The following HAPSTR1 variants were observed in gnomAD, a reference collection of about 807,000 sequenced individuals.
HAPSTR1 encodes HUWE1-associated protein modifying stress responses 1.
the HAPSTR1 span, chr16:9,105,035 G>A: frequency 6.6e-6 from 1 of 152,138 alleles, no homozygotes. Context: ...TAACGTAGTA[G>A]TAGTGTACAT....
At chr16:9,091,908 C>G in the HAPSTR1 span, 1 of 688,386 alleles carries the variant, frequency 1.5e-6, no homozygotes, top group Non-Finnish European at 2.1e-6. Flanking sequence ...TGCAGGAGGC[C>G]TGGGCCGCTG....
chr16:9,108,479 C>G, the HAPSTR1 span: 1 of 152,156 alleles, frequency 6.6e-6, no homozygotes, highest in East Asian at 1.9e-4. Flanking sequence ...AGCCATGATG[C>G]CTGGCCTCAA....
the HAPSTR1 span, among the ~76,000 whole-genome samples, chr16:9,093,838 G>A: frequency 6.6e-6 from 1 of 151,524 alleles, no homozygotes; most frequent in African/African-American, 2.4e-5. Flanking sequence ...GAAATTTGGG[G>A]TTGATTTTTT....
chr16:9,094,487 AT>A, the HAPSTR1 span, among the ~76,000 whole-genome samples: 3,736 of 147,136 alleles, frequency 0.025, 140 homozygotes, highest in African/African-American at 0.087. Context: ...ATATACTTTG[AT>A]TTTTTTTTTT....
chr16:9,098,659 C>T, the HAPSTR1 span, among the ~76,000 whole-genome samples: 165 of 152,286 alleles, frequency 1.1e-3, 1 homozygote, highest in Middle Eastern at 6.8e-3. Flanking sequence ...TGCCTCTACC[C>T]TTCCTCCCAA....
chr16:9,116,711 C>T, the HAPSTR1 span: 9 of 1,614,036 alleles, frequency 5.6e-6, no homozygotes, highest in Non-Finnish European at 7.6e-6. Flanking sequence ...GTTCGAGTAC[C>T]CCAGGCTCTC....
At chr16:9,118,576 A>C in the HAPSTR1 span, 1 of 152,632 alleles carries the variant, frequency 6.6e-6, no homozygotes, top group African/African-American at 2.4e-5. Context: ...AGAGATTTCT[A>C]AACTTTTGCG....
the HAPSTR1 span, chr16:9,104,977 T>C: frequency 2.6e-5 from 4 of 152,242 alleles, no homozygotes; most frequent in African/African-American, 9.6e-5. Flanking sequence ...TTTACTGTTA[T>C]ATTTTAGAAG....
At chr16:9,092,896 T>G in the HAPSTR1 span, 1 of 1,531,740 alleles carries the variant, frequency 6.5e-7, no homozygotes, top group Non-Finnish European at 8.8e-7. Flanking sequence ...TTTTTGGTTT[T>G]TTTTTTTTTT....
At chr16:9,095,006 A>C in the HAPSTR1 span, among the ~76,000 whole-genome samples, 1 of 152,250 alleles carries the variant, frequency 6.6e-6, no homozygotes, top group Non-Finnish European at 1.5e-5. Context: ...AATGTTTACA[A>C]TTTGTTTGTT....
the HAPSTR1 span, among the ~76,000 whole-genome samples, chr16:9,096,115 G>T: frequency 6.6e-6 from 1 of 152,146 alleles, no homozygotes; most frequent in Admixed American, 6.5e-5. Flanking sequence ...TGGTCCTGGA[G>T]ACAGTGAAGC....
chr16:9,099,118 T>G, the HAPSTR1 span, among the ~76,000 whole-genome samples: 1 of 138,532 alleles, frequency 7.2e-6, no homozygotes, highest in Non-Finnish European at 1.5e-5. Context: ...CAGTTTCCCA[T>G]GCTTATATAA....
At chr16:9,107,717 C>T in the HAPSTR1 span, 2 of 152,326 alleles carry the variant, frequency 1.3e-5, no homozygotes, top group South Asian at 2.1e-4. Context: ...CCAGCCCCTA[C>T]GTGTTCATAC....
chr16:9,116,576 C>A, the HAPSTR1 span: 1 of 1,490,522 alleles, frequency 6.7e-7, no homozygotes, highest in Non-Finnish European at 9.1e-7. Context: ...GGCAGACATG[C>A]TTTGACATTG....
the HAPSTR1 span, among the ~76,000 whole-genome samples, chr16:9,100,559 A>T: frequency 1.3e-5 from 2 of 150,650 alleles, no homozygotes; most frequent in African/African-American, 4.9e-5. Context: ...TTTGAGAGAG[A>T]GTCTTACTCT....
the HAPSTR1 span, chr16:9,117,179 G>A: frequency 1.4e-5 from 6 of 417,802 alleles, no homozygotes; most frequent in East Asian, 8.5e-5. Flanking sequence ...ACATATATCC[G>A]TTCCAAGGCT....
the HAPSTR1 span, chr16:9,119,772 C>G: frequency 2.0e-5 from 3 of 152,152 alleles, no homozygotes; most frequent in African/African-American, 7.2e-5. Flanking sequence ...GAAGTTTAGG[C>G]TTTTAAAAAA....
At chr16:9,115,352 G>A in the HAPSTR1 span, among the ~76,000 whole-genome samples, 1 of 152,106 alleles carries the variant, frequency 6.6e-6, no homozygotes, top group African/African-American at 2.4e-5. Context: ...CCTATTCTTT[G>A]AAAATTAATT....
At chr16:9,112,418 C>T in the HAPSTR1 span, 7 of 152,374 alleles carry the variant, frequency 4.6e-5, no homozygotes, top group East Asian at 1.3e-3. Flanking sequence ...GCAGAGGGCC[C>T]TGCACCTGCG....
Sources: allele counts gnomAD v4.1 joint callset (sites outside exome capture counted in the v4.1 genomes callset), GRCh38; gene constraint gnomAD v4.1.1; transcripts MANE v1.5; gene names NCBI Gene and HGNC (gene_info 2026-07-23, HGNC 2026-07-21).